Variants in CREB5 observed in about 807,000 individuals in gnomAD.
CREB5 encodes the protein cAMP responsive element binding protein 5.
CREB5 carries 19 observed loss-of-function variants against 57.1 expected under a neutral mutation model. The ratio of observed to expected loss-of-function variants is 0.33; its 90% CI spans 0.23 to 0.49. The LOEUF (loss-of-function observed/expected upper bound fraction) is 0.49, where lower values mean the gene tolerates loss of function less well. CREB5 is among the 20% of genes least tolerant of loss of function. CREB5 has a pLI of 0.99. For missense variants in CREB5, 579 were observed against 671.6 expected (o/e 0.86, Z 1.52); for synonymous variants, 238 against 238.3 (o/e 1.00, Z 0.01).
At position 28,507,716 on chromosome 7, in the gene CREB5, G is replaced by A. The variant is rs1361414730; in HGVS notation, c.270G>A (p.Gln90=). Residue 90 remains glutamine, a synonymous_variant, in exon 4 of 11, where the codon CAG becomes CAA. Transcript: ENST00000357727. ...CSLEHEFRKA[Q]EEESSKRNIS... ...TGGAGCACGAGTTCAGGAAGGCTCA[G>A]GAAGAGGAGAGCAGCAAGCGGGTAG... 6.2e-7 allele frequency: 1 copy of A among 1,607,608 alleles called. No homozygotes were observed. The highest frequency in any genetic ancestry group is 8.5e-7 in the Non-Finnish European group (1 of 1,174,698).
At chr7:28,611,701 T>TAAAG (rs1222250023) in intron 5 of CREB5, among the ~76,000 whole-genome samples, 1 of 148,230 alleles carries the variant, frequency 6.7e-6, no homozygotes, top group African/African-American at 2.5e-5. Flanking sequence ...AATAAATAAA[T>TAAAG]AAATAAATAA....
intron 1 of CREB5, among the ~76,000 whole-genome samples, chr7:28,353,203 C>A (rs1422836525): frequency 6.6e-6 from 1 of 152,192 alleles, no homozygotes; most frequent in Non-Finnish European, 1.5e-5. Flanking sequence ...GATTGTCCTG[C>A]CTCAGCCTCC....
rs4000593 is a variant in CREB5 at position 28,622,259 on chromosome 7, TCACA to T, written c.464+51754_464+51757del. ...TACACACATTCTCTCTCTCTCTCTC[TCACA>T]CACACACACACACACACACACACAC... On this transcript the variant is annotated intron_variant, in intron 5 of 10. Coordinates refer to ENST00000357727, the MANE Select transcript of CREB5 (RefSeq NM_182898.4). Among the ~76,000 whole-genome samples the T allele has an allele frequency of 8.0e-3, 1,149 of 142,806 alleles. 3 individuals are homozygous for T. The highest frequency in any genetic ancestry group is 0.013 in the Admixed American group (180 of 14,146). 93.7% of individuals were successfully genotyped at this position (142,806 alleles called of 152,430 possible).
chr7:28,639,055 T>C (rs899538183), intron 5 of CREB5, among the ~76,000 whole-genome samples: 1 of 152,244 alleles, frequency 6.6e-6, no homozygotes, highest in Non-Finnish European at 1.5e-5. Flanking sequence ...GTAGTGTGCA[T>C]ACCTGGCCCA....
chr7:28,601,021 AT>A (rs1375648886), intron 5 of CREB5, among the ~76,000 whole-genome samples: 1 of 152,156 alleles, frequency 6.6e-6, no homozygotes, highest in Admixed American at 6.5e-5. Flanking sequence ...AGTTGGGGGC[AT>A]TCAATTAAAA....
At chr7:28,483,423 A>G (rs978406175) in intron 1 of CREB5, among the ~76,000 whole-genome samples, 1 of 152,110 alleles carries the variant, frequency 6.6e-6, no homozygotes, top group Non-Finnish European at 1.5e-5. Context: ...AAAAACCTCA[A>G]CTCACTTTAT....
At chr7:28,654,021 A>G (rs1431963330) in intron 5 of CREB5, among the ~76,000 whole-genome samples, 2 of 151,908 alleles carry the variant, frequency 1.3e-5, no homozygotes, top group African/African-American at 4.8e-5. Flanking sequence ...ATTTTCCCCC[A>G]TTTACTTGCC....
rs573956794 is a variant in CREB5 at position 28,810,496 on chromosome 7, C to T, written c.1254+1082C>T. Among the ~76,000 whole-genome samples, 53 of 152,116 alleles carry T rather than the reference C, an allele frequency of 3.5e-4. 1 individual carries two copies. Among genetic ancestry groups the T allele is most frequent in the African/African-American group, 1.2e-3 (51 of 41,488 alleles). On this transcript the variant is annotated intron_variant, in intron 9 of 10. Transcript: ENST00000357727. ...TCACTTGAGGTCAGGAGTTTGAGAC[C>T]AGCCTGGCCAAGGTGCAGAAACCCC...
chr7:28,498,234 ATAATG>A (rs1408622182), intron 3 of CREB5, among the ~76,000 whole-genome samples: 1 of 152,210 alleles, frequency 6.6e-6, no homozygotes, highest in Non-Finnish European at 1.5e-5. Context: ...AATAATAAAA[ATAATG>A]TAAATCAAAA....
At chr7:28,368,192 A>G (rs111861052) in intron 1 of CREB5, among the ~76,000 whole-genome samples, 34 of 152,306 alleles carry the variant, frequency 2.2e-4, no homozygotes, top group African/African-American at 7.9e-4. Context: ...GGGCTAAGCT[A>G]TGGATGTGCA....
chr7:28,303,153 A>AT (rs1372944196), intron 1 of CREB5, among the ~76,000 whole-genome samples: 5 of 151,836 alleles, frequency 3.3e-5, no homozygotes, highest in African/African-American at 1.2e-4. Context: ...AAAAAAAAAA[A>AT]AAAAAGAATT....
At chr7:28,560,781 C>T (rs1442918075) in intron 4 of CREB5, among the ~76,000 whole-genome samples, 1 of 151,350 alleles carries the variant, frequency 6.6e-6, no homozygotes, top group African/African-American at 2.4e-5. Context: ...GGTGACACAT[C>T]TTTCTCTGCT....
At chr7:28,554,382 C>T (rs1379367007) in intron 4 of CREB5, among the ~76,000 whole-genome samples, 3 of 152,344 alleles carry the variant, frequency 2.0e-5, no homozygotes, top group Middle Eastern at 6.8e-3. Context: ...ATCTTCACCT[C>T]AGACTTGGAA....
intron 7 of CREB5, among the ~76,000 whole-genome samples, chr7:28,786,118 A>G (rs1583741082): frequency 6.6e-6 from 1 of 152,192 alleles, no homozygotes; most frequent in Non-Finnish European, 1.5e-5. Flanking sequence ...ATGGCTGCCC[A>G]TTTTACAGGC....
chr7:28,607,450 G>A (rs1048513708), intron 5 of CREB5, among the ~76,000 whole-genome samples: 12 of 152,150 alleles, frequency 7.9e-5, no homozygotes, highest in African/African-American at 2.9e-4. Flanking sequence ...CATCTGGAGC[G>A]TGCTCATTGA....
chr7:28,776,132 T>C (rs1202729451), intron 7 of CREB5, among the ~76,000 whole-genome samples: 1 of 151,928 alleles, frequency 6.6e-6, no homozygotes, highest in Non-Finnish European at 1.5e-5. Flanking sequence ...GGTCAGGAGA[T>C]CGAGACCATC....
intron 7 of CREB5, among the ~76,000 whole-genome samples, chr7:28,750,597 A>G (rs1469840770): frequency 1.9e-5 from 2 of 106,042 alleles, no homozygotes; most frequent in African/African-American, 7.5e-5. Flanking sequence ...AATACGAAAT[A>G]TATCACTTTT....
chr7:28,772,375 C>T (rs1190944929), intron 7 of CREB5, among the ~76,000 whole-genome samples: 2 of 152,148 alleles, frequency 1.3e-5, no homozygotes, highest in African/African-American at 4.8e-5. Flanking sequence ...GCAGGGTGCT[C>T]AGGAAGCCAG....
At chr7:28,750,066 C>T (rs574453012) in intron 7 of CREB5, among the ~76,000 whole-genome samples, 1 of 152,054 alleles carries the variant, frequency 6.6e-6, no homozygotes, top group African/African-American at 2.4e-5. Context: ...TTGGTCACAG[C>T]AATAGACAAC....
Sources: gnomAD v4.1 joint callset for allele counts (sites outside exome capture counted in the v4.1 genomes callset) on GRCh38, gnomAD v4.1.1 for gene constraint, MANE v1.5 for transcripts, NCBI Gene and HGNC (gene_info 2026-07-23, HGNC 2026-07-21) for gene names.